Variants in FARP1 observed in about 807,000 individuals in gnomAD.
FARP1 encodes the protein FERM, ARH/RhoGEF and pleckstrin domain protein 1, also known as FERM, ARHGEF and pleckstrin domain-containing protein 1.
Under a neutral mutation model 128.8 loss-of-function variants are expected in FARP1, and 52 were observed. That is an observed-to-expected ratio of 0.40 (90% CI 0.32 to 0.51). The LOEUF is 0.51. FARP1 is among the 20% of genes least tolerant of loss of function. The pLI is 0.45. For synonymous variants in FARP1, 580 were observed against 551.8 expected (o/e 1.05, Z -0.72); for missense variants, 1,333 against 1,367.9 (o/e 0.97, Z 0.40).
intron 2 of FARP1, among the ~76,000 whole-genome samples, chr13:98,233,486 C>A (rs1414866085): frequency 2.0e-5 from 3 of 152,152 alleles, no homozygotes; most frequent in African/African-American, 7.2e-5. Context: ...CTCCTTCCCC[C>A]AAATACACTC....
At chr13:98,414,555 G>A (rs1178509478) in intron 16 of FARP1, among the ~76,000 whole-genome samples, 1 of 152,156 alleles carries the variant, frequency 6.6e-6, no homozygotes, top group Non-Finnish European at 1.5e-5. Flanking sequence ...CTCAGCATCG[G>A]CTCCTCGTTG....
chr13:98,169,086 A>C (rs865862110), intron 1 of FARP1, among the ~76,000 whole-genome samples: 2 of 152,124 alleles, frequency 1.3e-5, no homozygotes, highest in Non-Finnish European at 2.9e-5. Flanking sequence ...CTACGTATCC[A>C]TTGCTAATAA....
chr13:98,376,704 C>T (rs1889597908), intron 5 of FARP1, among the ~76,000 whole-genome samples: 1 of 146,888 alleles, frequency 6.8e-6, no homozygotes, highest in Admixed American at 6.8e-5. Flanking sequence ...AAACTGTTCT[C>T]TATCGTGGTT....
At chr13:98,181,736 C>T (rs1404913064) in intron 1 of FARP1, among the ~76,000 whole-genome samples, 1 of 151,698 alleles carries the variant, frequency 6.6e-6, no homozygotes, top group Non-Finnish European at 1.5e-5. Context: ...TCAAGCGATC[C>T]TCCTGCCTTG....
At chr13:98,301,602 G>A (rs1339969064) in intron 2 of FARP1, among the ~76,000 whole-genome samples, 1 of 152,122 alleles carries the variant, frequency 6.6e-6, no homozygotes, top group Non-Finnish European at 1.5e-5. Context: ...AAAGCTCAGC[G>A]TTTTCTAGAT....
chr13:98,232,144 G>GTTTTTTTTTTTTTTT lies in FARP1; in HGVS notation c.171+18731_171+18732insTTTTTTTTTTTTTTT, dbSNP rs1555329634. ...CGTGCCCGGCTTTTTTTGTTTGGTTGGTTTTTTTTTTTTTTTTTTTTTGCT... is the reference window on the plus strand; with the variant it reads ...CGTGCCCGGCTTTTTTTGTTTGGTTGTTTTTTTTTTTTTTTGTTTTTTTTTTTTTTTTTTTTTGCT... On this transcript the variant is annotated intron_variant, in intron 2 of 26. Transcript: ENST00000319562. 1.2e-3 allele frequency among the ~76,000 whole-genome samples: 133 copies of GTTTTTTTTTTTTTTT among 111,640 alleles called. 6 individuals are homozygous for GTTTTTTTTTTTTTTT. The highest frequency in any genetic ancestry group is 2.5e-3 in the African/African-American group (58 of 23,626). 73.2% of individuals were successfully genotyped at this position (111,640 alleles called of 152,430 possible).
intron 17 of FARP1, among the ~76,000 whole-genome samples, chr13:98,427,485 G>A (rs1769231786): frequency 1.3e-5 from 2 of 152,216 alleles, no homozygotes; most frequent in African/African-American, 2.4e-5. Flanking sequence ...TCTTCAAGGA[G>A]GCTTGGACTC....
intron 5 of FARP1, among the ~76,000 whole-genome samples, chr13:98,372,081 C>CTTT (rs56838920): frequency 0.068 from 6,224 of 92,186 alleles, 282 homozygotes; most frequent in Middle Eastern, 0.14. Context: ...CCCAGTTTTT[C>CTTT]TTTTTTTTTT....
rs1426572832 is a variant in FARP1, at chr13:98,446,263, G to A, written c.2904+58G>A. On this transcript the variant is annotated intron_variant, in intron 25 of 26. Transcript: ENST00000319562. Reference sequence around the variant, plus strand: ...GACCTTGGGGGTGGCAGCATGAGGTGAGGGGGCCGCCCTCCTCTGGAATGA... The same window carrying A: ...GACCTTGGGGGTGGCAGCATGAGGTAAGGGGGCCGCCCTCCTCTGGAATGA... 16 of 1,123,990 alleles carry A rather than the reference G, an allele frequency of 1.4e-5. 1 individual carries two copies. In the Admixed American group the frequency reaches 2.8e-4, roughly 20 times the overall value. The allele number at this position is 1,123,990 out of a possible 1,614,324, so 69.6% of individuals were successfully genotyped here.
At chr13:98,209,184 A>G (rs540371879) in intron 1 of FARP1, among the ~76,000 whole-genome samples, 3 of 151,896 alleles carry the variant, frequency 2.0e-5, no homozygotes, top group East Asian at 3.9e-4. Context: ...AATTTTTTGT[A>G]TTTTTAGTAG....
intron 1 of FARP1, among the ~76,000 whole-genome samples, chr13:98,192,527 TTACAGACATCTGC>T (rs1386970754): frequency 6.6e-6 from 1 of 152,062 alleles, no homozygotes; most frequent in African/African-American, 2.4e-5. Flanking sequence ...GTAGCTGGGA[TTACAGACATCTGC>T]TACGACGCCT....
chr13:98,308,249 CTG>C (rs1422643314), intron 2 of FARP1, among the ~76,000 whole-genome samples: 1 of 152,114 alleles, frequency 6.6e-6, no homozygotes, highest in East Asian at 1.9e-4. Flanking sequence ...ACTGTCCTAT[CTG>C]TGTTAATCAG....
intron 2 of FARP1, among the ~76,000 whole-genome samples, chr13:98,296,892 C>T (rs1178368351): frequency 6.6e-6 from 1 of 152,002 alleles, no homozygotes; most frequent in Non-Finnish European, 1.5e-5. Flanking sequence ...ACTACATTGC[C>T]CAGGCTGGTT....
intron 2 of FARP1, among the ~76,000 whole-genome samples, chr13:98,321,983 G>A (rs1269650758): frequency 6.6e-6 from 1 of 152,310 alleles, no homozygotes; most frequent in African/African-American, 2.4e-5. Context: ...GGGTTAAAAT[G>A]GGTATTGTTT....
chr13:98,171,701 A>C (rs1196064291), intron 1 of FARP1, among the ~76,000 whole-genome samples: 1 of 152,230 alleles, frequency 6.6e-6, no homozygotes, highest in African/African-American at 2.4e-5. Context: ...ATTGTTAAAA[A>C]ATATGCAAAA....
intron 2 of FARP1, among the ~76,000 whole-genome samples, chr13:98,271,137 T>G (rs1884370128): frequency 6.6e-6 from 1 of 152,236 alleles, no homozygotes; most frequent in South Asian, 2.1e-4. Context: ...ATGAAAGAAC[T>G]GTTTCCTTCA....
At chr13:98,211,340 T>C (rs1267750380) in intron 1 of FARP1, among the ~76,000 whole-genome samples, 1 of 152,196 alleles carries the variant, frequency 6.6e-6, no homozygotes, top group African/African-American at 2.4e-5. Context: ...CAGACCCTGT[T>C]GGGAACTGCG....
chr13:98,218,422 T>C (rs1566755980), intron 2 of FARP1, among the ~76,000 whole-genome samples: 1 of 152,226 alleles, frequency 6.6e-6, no homozygotes. Flanking sequence ...TGTTAAAGGC[T>C]ACCCCCAACC....
chr13:98,416,099 A>T (rs1370110752), intron 16 of FARP1, among the ~76,000 whole-genome samples: 1 of 152,202 alleles, frequency 6.6e-6, no homozygotes, highest in Non-Finnish European at 1.5e-5. Context: ...TGCCAAGACA[A>T]TAGTGTTTCT....
Sources: allele counts gnomAD v4.1 joint callset (sites outside exome capture counted in the v4.1 genomes callset), GRCh38; gene constraint gnomAD v4.1.1; transcripts MANE v1.5; gene names NCBI Gene and HGNC (gene_info 2026-07-23, HGNC 2026-07-21).